CHST8: variants seen among roughly 807,000 people sequenced by gnomAD.
The protein encoded by CHST8 is GALNAC-4-ST1.
In CHST8, 10 loss-of-function variants were observed where a neutral mutation model predicts 15.0. The observed-to-expected ratio is 0.67, with a 90% confidence interval of 0.41 to 1.13. The LOEUF is 1.13. Among genes scored for constraint, CHST8 ranks in the 50% most tolerant of loss-of-function variants. The pLI, the probability that CHST8 is intolerant of heterozygous loss-of-function variation, is 0.00. For missense variants in CHST8, 634 were observed against 608.2 expected, an observed-to-expected ratio of 1.04 and a Z score of -0.45; for synonymous variants, 259 against 256.6, an observed-to-expected ratio of 1.01 and a Z score of -0.09.
At position 33,653,068 on chromosome 19, in the gene CHST8, T is replaced by A. The variant is rs1324186982; in HGVS notation, c.-163-14699T>A. Reference sequence around the variant, plus strand: ...ACTGTTGATTATTTCAACTTACAGCTGTTTACCAGTTTCTTTTCTCACTCT... The same window carrying A: ...ACTGTTGATTATTTCAACTTACAGCAGTTTACCAGTTTCTTTTCTCACTCT... On this transcript the variant is annotated intron_variant, in intron 1 of 4. Coordinates refer to ENST00000650847, the MANE Select transcript of CHST8 (RefSeq NM_001127895.2). 2.6e-5 allele frequency among the ~76,000 whole-genome samples: 4 copies of A among 152,228 alleles called. No homozygotes were observed. In the East Asian group the frequency reaches 7.7e-4, roughly 29 times the overall value.
chr19:33,761,777 A>G (rs166954), intron 3 of CHST8, among the ~76,000 whole-genome samples: 10,635 of 152,098 alleles, frequency 0.07, 1,246 homozygotes, highest in African/African-American at 0.24. Flanking sequence ...GTTCAGGATT[A>G]TAGTGAGCCA....
chr19:33,756,113 GT>G (rs1974541112), intron 3 of CHST8, among the ~76,000 whole-genome samples: 1 of 152,334 alleles, frequency 6.6e-6, no homozygotes, highest in South Asian at 2.1e-4. Flanking sequence ...CGGGAAGGGG[GT>G]TGGGTCTTGG....
intron 3 of CHST8, among the ~76,000 whole-genome samples, chr19:33,690,105 C>T (rs1568329223): frequency 6.6e-6 from 1 of 152,152 alleles, no homozygotes; most frequent in East Asian, 1.9e-4. Context: ...GGCAGGGTGC[C>T]AAGGCCTGGG....
intron 2 of CHST8, among the ~76,000 whole-genome samples, chr19:33,675,407 C>T (rs994301046): frequency 5.9e-5 from 9 of 152,202 alleles, no homozygotes; most frequent in Non-Finnish European, 1.2e-4. Flanking sequence ...AAACCTGCCC[C>T]AAGGACAGGA....
intron 2 of CHST8, among the ~76,000 whole-genome samples, chr19:33,682,644 T>G (rs569590632): frequency 1.3e-5 from 2 of 152,376 alleles, no homozygotes; most frequent in East Asian, 3.9e-4. Flanking sequence ...ACAAGTGGAA[T>G]TATACAGTAT....
intron 3 of CHST8, among the ~76,000 whole-genome samples, chr19:33,757,588 GA>G (rs1299379109): frequency 7.1e-6 from 1 of 141,360 alleles, no homozygotes; most frequent in Non-Finnish European, 1.6e-5. Flanking sequence ...AAGAAAGAAA[GA>G]AAGAAAGAAA....
intron 1 of CHST8, among the ~76,000 whole-genome samples, chr19:33,630,185 A>T (rs920717586): frequency 6.6e-6 from 1 of 152,088 alleles, no homozygotes; most frequent in South Asian, 2.1e-4. Flanking sequence ...GCAAACACTG[A>T]CCCTGACCTG....
intron 1 of CHST8, among the ~76,000 whole-genome samples, chr19:33,663,673 C>T (rs1377346267): frequency 6.6e-6 from 1 of 152,116 alleles, no homozygotes; most frequent in Non-Finnish European, 1.5e-5. Flanking sequence ...GAGTTCGAGA[C>T]CATCCTGGCC....
At chr19:33,674,962 G>T (rs1304505154) in intron 2 of CHST8, among the ~76,000 whole-genome samples, 1 of 152,228 alleles carries the variant, frequency 6.6e-6, no homozygotes, top group Non-Finnish European at 1.5e-5. Flanking sequence ...GAGTATACGT[G>T]TGTGCACACA....
intron 3 of CHST8, among the ~76,000 whole-genome samples, chr19:33,737,538 A>C (rs1974109868): frequency 6.6e-6 from 1 of 152,218 alleles, no homozygotes; most frequent in African/African-American, 2.4e-5. Context: ...TCTGGAAAAA[A>C]GCCACGGGAC....
At chr19:33,718,628 G>A (rs557643593) in intron 3 of CHST8, among the ~76,000 whole-genome samples, 2 of 152,296 alleles carry the variant, frequency 1.3e-5, no homozygotes, top group African/African-American at 4.8e-5. Context: ...TCATTACCAT[G>A]GGCCCCTCTG....
chr19:33,689,256 C>T lies in CHST8; in HGVS notation c.-6C>T, dbSNP rs191031643. On this transcript the variant is annotated 5_prime_UTR_variant, in exon 3 of 5. Coordinates refer to ENST00000650847, the MANE Select transcript of CHST8 (RefSeq NM_001127895.2). Reference sequence around the variant, plus strand: ...ACCCAAGAGGTGACCCCTGAGCCAGCCCCGGATGACCCTGCGACCTGGAAC... The same window carrying T: ...ACCCAAGAGGTGACCCCTGAGCCAGTCCCGGATGACCCTGCGACCTGGAAC... The T allele has an allele frequency of 1.5e-5, 23 of 1,573,264 alleles. No individual in the cohort carries two copies. Among genetic ancestry groups the T allele is most frequent in the African/African-American group, 9.5e-5 (7 of 73,404 alleles).
chr19:33,690,478 A>G (rs2145259326), intron 3 of CHST8, among the ~76,000 whole-genome samples: 1 of 152,284 alleles, frequency 6.6e-6, no homozygotes, highest in East Asian at 1.9e-4. Context: ...GCCTGTGGGC[A>G]CCAGGAAGGA....
At chr19:33,713,335 A>G (rs1267799097) in intron 3 of CHST8, among the ~76,000 whole-genome samples, 2 of 151,916 alleles carry the variant, frequency 1.3e-5, no homozygotes, top group African/African-American at 4.8e-5. Context: ...GGCCACCATC[A>G]CCTGGGAGAT....
intron 1 of CHST8, among the ~76,000 whole-genome samples, chr19:33,635,799 T>C (rs920591627): frequency 3.9e-5 from 6 of 152,114 alleles, no homozygotes; most frequent in Admixed American, 2.0e-4. Flanking sequence ...GAGCTGGGGA[T>C]TGCTTACCTC....
intron 3 of CHST8, among the ~76,000 whole-genome samples, chr19:33,712,610 G>A (rs1973577842): frequency 6.6e-6 from 1 of 152,132 alleles, no homozygotes; most frequent in Non-Finnish European, 1.5e-5. Context: ...TAGTCCATTT[G>A]CAGCCGCCCA....
At chr19:33,663,215 G>A (rs1972608709) in intron 1 of CHST8, among the ~76,000 whole-genome samples, 1 of 152,204 alleles carries the variant, frequency 6.6e-6, no homozygotes, top group Non-Finnish European at 1.5e-5. Context: ...GGATGCTTCA[G>A]ATGTTTGTGT....
intron 3 of CHST8, among the ~76,000 whole-genome samples, chr19:33,734,792 C>T (rs1280286561): frequency 6.6e-6 from 1 of 152,186 alleles, no homozygotes; most frequent in Non-Finnish European, 1.5e-5. Flanking sequence ...GCACTGACTT[C>T]CCCCAGGGAC....
intron 3 of CHST8, among the ~76,000 whole-genome samples, chr19:33,696,230 T>G (rs1197127823): frequency 6.6e-6 from 1 of 152,194 alleles, no homozygotes; most frequent in Non-Finnish European, 1.5e-5. Flanking sequence ...GCATGTGTCT[T>G]TTTCATATGA....
Sources: allele counts gnomAD v4.1 joint callset (sites outside exome capture counted in the v4.1 genomes callset), GRCh38; gene constraint gnomAD v4.1.1; transcripts MANE v1.5; gene names NCBI Gene and HGNC (gene_info 2026-07-23, HGNC 2026-07-21).